The following SNPH variants were observed in gnomAD, a reference collection of about 807,000 sequenced individuals.
SNPH encodes syntaphilin.
SNPH carries 10 observed loss-of-function variants against 36.8 expected under a neutral mutation model. That is an observed-to-expected ratio of 0.27 (90% CI 0.17 to 0.46). The LOEUF (loss-of-function observed/expected upper bound fraction) is 0.46, where lower values mean the gene tolerates loss of function less well. Among genes scored for constraint, SNPH ranks in the 20% least tolerant of loss-of-function variants. SNPH has a pLI of 1.00. For synonymous variants in SNPH, 281 were observed against 312.2 expected, an observed-to-expected ratio of 0.90 and a Z score of 1.05; for missense variants, 622 against 744.0, an observed-to-expected ratio of 0.84 and a Z score of 1.91.
chr20:1,267,286 T>C (rs2088020016), intron 2 of SNPH, among the ~76,000 whole-genome samples: 1 of 152,150 alleles, frequency 6.6e-6, no homozygotes, highest in African/African-American at 2.4e-5. Context: ...TCCCCGGAGC[T>C]TCCCTGGGAT....
chr20:1,298,836 G>GTGTGTGTGTGTGTGTA (rs1482983769), intron 5 of SNPH, among the ~76,000 whole-genome samples: 1 of 124,342 alleles, frequency 8.0e-6, no homozygotes, highest in East Asian at 2.0e-4. Context: ...GTGTGTGTGT[G>GTGTGTGTGTGTGTGTA]TGTGTGTGTA....
chr20:1,266,678 G>C lies in SNPH; in HGVS notation c.-575G>C. 6.7e-7 allele frequency: 1 copy of C among 1,481,910 alleles called. No homozygotes were observed. 91.8% of individuals were successfully genotyped at this position (1,481,910 alleles called of 1,614,324 possible). A position where few individuals can be genotyped will look rare whatever the true frequency, so the allele number is the denominator to read the frequency against. Reference sequence around the variant, plus strand: ...GGTCGCTGATCAGGGCCAGGCGGCTGCAGCAGCGACTGCAGAGGCGCTGCG... The same window carrying C: ...GGTCGCTGATCAGGGCCAGGCGGCTCCAGCAGCGACTGCAGAGGCGCTGCG... On this transcript the variant is annotated 5_prime_UTR_variant, in exon 2 of 7. Transcript: ENST00000381867. The surrounding 1 kb of genome is among the most constrained non-coding windows in gnomAD (Gnocchi z 6.0).
chr20:1,296,351 C>G lies in SNPH; in HGVS notation c.112C>G (p.Leu38Val), dbSNP rs1156922129. The change falls in exon 4 of 7, where the codon CTT becomes GTT. Residue 38 changes from leucine (L) to valine (V), a missense_variant. Physicochemically the swap from Leu to Val is conservative, Grantham distance 32 (BLOSUM62 1). Around this residue, in one of 3 missense-constraint regions of SNPH, gnomAD observed 187 missense variants for 209.4 expected, o/e 0.89. Transcript: ENST00000381867. ...SAPGIPPIPP[L>V]TRTHSLMAMS... Reference sequence around the variant, plus strand: ...CCCCGGGATACCGCCCATCCCACCCCTTACTCGGACCCACAGCCTCATGGC... The same window carrying G: ...CCCCGGGATACCGCCCATCCCACCCGTTACTCGGACCCACAGCCTCATGGC... The G allele has an allele frequency of 6.2e-7, 1 of 1,601,286 alleles. No individual in the cohort carries two copies. Among genetic ancestry groups the G allele is most frequent in the South Asian group, 1.1e-5 (1 of 89,472 alleles).
rs2088270902 is a variant in SNPH, at chr20:1,285,223, T to G, written c.-492-9728T>G. Among the ~76,000 whole-genome samples, 1 of 152,168 alleles carries G rather than the reference T, an allele frequency of 6.6e-6. No homozygotes were observed. Among genetic ancestry groups the G allele is most frequent in the Admixed American group, 6.5e-5 (1 of 15,278 alleles). ...TTAAGGCAAAATCAGAAATTCATAT[T>G]TTGGATGTGTTAATTTTGAGATACT... On this transcript the variant is annotated intron_variant, in intron 2 of 6. Coordinates refer to ENST00000381867, the MANE Select transcript of SNPH (RefSeq NM_001318234.2). The surrounding 1 kb of genome is among the most constrained non-coding windows in gnomAD (Gnocchi z 4.9).
intron 2 of SNPH, among the ~76,000 whole-genome samples, chr20:1,277,852 TC>T (rs2088162079): frequency 6.9e-6 from 1 of 145,430 alleles, no homozygotes; most frequent in African/African-American, 2.6e-5. Context: ...AGTGTGTGTG[TC>T]CGTGTGTGTG....
chr20:1,271,948 C>A (rs1388999735), intron 2 of SNPH, among the ~76,000 whole-genome samples: 1 of 152,164 alleles, frequency 6.6e-6, no homozygotes, highest in South Asian at 2.1e-4. Context: ...GGAATCCATC[C>A]TCGGTTAGCT....
At chr20:1,273,832 G>A (rs907816571) in intron 2 of SNPH, among the ~76,000 whole-genome samples, 2 of 152,168 alleles carry the variant, frequency 1.3e-5, no homozygotes, top group African/African-American at 4.8e-5. Flanking sequence ...CTTAGCATAT[G>A]TTATCCTTGT....
intron 2 of SNPH, among the ~76,000 whole-genome samples, chr20:1,271,675 G>A (rs2088074881): frequency 4.6e-5 from 7 of 152,202 alleles, no homozygotes; most frequent in Admixed American, 4.6e-4. Flanking sequence ...ATTGTTACTT[G>A]AGGAAGAATA....
rs758429519 is a variant in SNPH, at chr20:1,296,400, G to T, written c.161G>T (p.Arg54Leu). Residue 54 changes from arginine to leucine, a missense_variant, in exon 4 of 7, where the codon CGG becomes CTG. Physicochemically the swap from Arg to Leu is moderately radical, Grantham distance 102. This residue lies in a region of SNPH where 187 missense variants were observed against 209.4 expected (regional missense o/e 0.89). Coordinates refer to ENST00000381867, the MANE Select transcript of SNPH (RefSeq NM_001318234.2). ...LMAMSLPGSR[R>L]TSAGSRRRTS... ...GCCATGTCCCTGCCAGGAAGTAGAC[G>T]GACCTCTGCTGGATCACGCAGGTGA... The T allele has an allele frequency of 1.2e-6, 2 of 1,603,680 alleles. No individual in the cohort carries two copies. The highest frequency in any genetic ancestry group is 2.2e-5 in the South Asian group (2 of 89,640).
chr20:1,271,987 T>G lies in SNPH; in HGVS notation c.-493+5227T>G, dbSNP rs138478502. Among the ~76,000 whole-genome samples the G allele has an allele frequency of 6.6e-5, 10 of 152,308 alleles. No individual in the cohort carries two copies. The East Asian group carries it at 1.7e-3, about 26-fold the overall frequency. ...TTTTTATTTTACCAGACGAGGACAT[T>G]CAGATGACACTTAGGGTCCTCTTTA... On this transcript the variant is annotated intron_variant, in intron 2 of 6. Coordinates refer to ENST00000381867, the MANE Select transcript of SNPH (RefSeq NM_001318234.2).
Position 1,266,737 on chromosome 20 carries a change from G to T in SNPH, c.-516G>T. The T allele has an allele frequency of 1.4e-6, 2 of 1,399,034 alleles. No individual in the cohort carries two copies. The highest frequency in any genetic ancestry group is 1.9e-6 in the Non-Finnish European group (2 of 1,080,488). The allele number at this position is 1,399,034 out of a possible 1,614,324, so 86.7% of individuals were successfully genotyped here. ...GGCCGGAGTGGTGCGAGCCGGCGGG[G>T]CTGCGGAGGGCCAGTGGACTCAGGT... On this transcript the variant is annotated 5_prime_UTR_variant, in exon 2 of 7. Coordinates refer to ENST00000381867, the MANE Select transcript of SNPH (RefSeq NM_001318234.2). This position sits in a 1 kb window ranked among gnomAD's most constrained non-coding sequence, Gnocchi z 6.0.
chr20:1,266,752 T>A lies in SNPH; in HGVS notation c.-501T>A. ...AGCCGGCGGGGCTGCGGAGGGCCAG[T>A]GGACTCAGGTGAGGAGGCCGCGGCG... On this transcript the variant is annotated 5_prime_UTR_variant, in exon 2 of 7. Transcript: ENST00000381867. The surrounding 1 kb of genome is among the most constrained non-coding windows in gnomAD (Gnocchi z 6.0). The A allele has an allele frequency of 7.2e-7, 1 of 1,383,080 alleles. No homozygotes were observed. The highest frequency in any genetic ancestry group is 9.3e-7 in the Non-Finnish European group (1 of 1,071,464). 85.7% of individuals were successfully genotyped at this position (1,383,080 alleles called of 1,614,324 possible).
chr20:1,270,097 C>T (rs1029834441), intron 2 of SNPH, among the ~76,000 whole-genome samples: 2 of 152,220 alleles, frequency 1.3e-5, no homozygotes, highest in Admixed American at 1.3e-4. Flanking sequence ...AAATGATCTG[C>T]ATGCATCTAC....
rs2088620332 is a variant in SNPH, at chr20:1,309,078, G to T, written c.*3024G>T. On this transcript the variant is annotated 3_prime_UTR_variant, in exon 7 of 7. Coordinates refer to ENST00000381867, the MANE Select transcript of SNPH (RefSeq NM_001318234.2). Reference sequence around the variant, plus strand: ...TGGGGAGGGGTGGGACAAACTGCAAGGTTCTGGGGCCAAGGCCTACCCAGG... The same window carrying T: ...TGGGGAGGGGTGGGACAAACTGCAATGTTCTGGGGCCAAGGCCTACCCAGG... 1 of 152,404 alleles carries T rather than the reference G, an allele frequency of 6.6e-6. No individual in the cohort carries two copies. Among genetic ancestry groups the T allele is most frequent in the South Asian group, 2.1e-4 (1 of 4,832 alleles). 9.4% of individuals were successfully genotyped at this position (152,404 alleles called of 1,614,324 possible). A position where few individuals can be genotyped will look rare whatever the true frequency, so the allele number is the denominator to read the frequency against.
At chr20:1,299,724 G>T (rs1043957526) in intron 5 of SNPH, among the ~76,000 whole-genome samples, 1 of 152,238 alleles carries the variant, frequency 6.6e-6, no homozygotes, top group Non-Finnish European at 1.5e-5. Flanking sequence ...GCCCCCGGAG[G>T]TGAAAGTGTG....
chr20:1,297,355 C>A, intron 5 of SNPH, 103 bp downstream of exon 5: 1 of 1,038,608 alleles, frequency 9.6e-7, no homozygotes, highest in Non-Finnish European at 1.4e-6. Context: ...CCACCCCTGA[C>A]GCCAGCATAG....
chr20:1,300,165 G>A (rs1342578772), intron 5 of SNPH, among the ~76,000 whole-genome samples: 1 of 152,200 alleles, frequency 6.6e-6, no homozygotes, highest in Non-Finnish European at 1.5e-5. Flanking sequence ...TGTCTGAGGG[G>A]CTCGGGGCAA....
rs1363193294 is a variant in SNPH, at chr20:1,296,312, C to G, written c.73C>G (p.Pro25Ala). Residue 25 changes from proline to alanine, a missense_variant, in exon 4 of 7, where the codon CCT becomes GCT. Pro to Ala is a conservative substitution (Grantham distance 27). This residue lies in a region of SNPH where 187 missense variants were observed against 209.4 expected (regional missense o/e 0.89). Transcript: ENST00000381867. ...CCTTTCTGCGGGCCCCCCAACCCGC[C>G]CTCTCTCCTCAGCCCCCGGGATACC... is the stretch of plus-strand genomic sequence containing the variant. ...PALSAGPPTR[P>A]LSSAPGIPPI... 13 of 1,589,624 alleles carry G rather than the reference C, an allele frequency of 8.2e-6. No homozygotes were observed. The highest frequency in any genetic ancestry group is 1.1e-5 in the Non-Finnish European group (13 of 1,169,800).
intron 2 of SNPH, among the ~76,000 whole-genome samples, chr20:1,288,900 G>A (rs554675380): frequency 6.6e-6 from 1 of 152,144 alleles, no homozygotes; most frequent in Non-Finnish European, 1.5e-5. Flanking sequence ...GGGATTACAG[G>A]TGTGAGCCAC....
Sources: allele counts gnomAD v4.1 joint callset (sites outside exome capture counted in the v4.1 genomes callset), GRCh38; gene constraint gnomAD v4.1.1; regional missense constraint gnomAD v4.1.1; non-coding constraint Gnocchi (gnomAD v3.1); transcripts MANE v1.5; gene names NCBI Gene and HGNC (gene_info 2026-07-23, HGNC 2026-07-21).